The following VRK1 variants were observed in gnomAD, a reference collection of about 807,000 sequenced individuals.
VRK1 encodes the protein VRK serine/threonine kinase 1, also known as serine/threonine-protein kinase VRK1.
In VRK1, 33 loss-of-function variants were observed where a neutral mutation model predicts 57.1. The ratio of observed to expected loss-of-function variants is 0.58; its 90% CI spans 0.44 to 0.77. The LOEUF is 0.77. Ranked by LOEUF, VRK1 falls within the 30% of genes least tolerant of loss-of-function variation. The pLI is 0.00. For synonymous variants in VRK1, 137 were observed against 147.8 expected, an observed-to-expected ratio of 0.93 and a Z score of 0.53; for missense variants, 413 against 477.3, an observed-to-expected ratio of 0.87 and a Z score of 1.25.
chr14:96,800,197 T>C (rs537241178), intron 1 of VRK1, among the ~76,000 whole-genome samples: 1 of 152,304 alleles, frequency 6.6e-6, no homozygotes, highest in South Asian at 2.1e-4. Context: ...TATTTCTACT[T>C]GCCATTATAA....
chr14:96,866,737 G>T (rs898093326), intron 11 of VRK1, among the ~76,000 whole-genome samples: 7 of 152,124 alleles, frequency 4.6e-5, no homozygotes, highest in African/African-American at 1.7e-4. Flanking sequence ...TTTCAGAATG[G>T]TGTTTGCTCA....
chr14:96,864,621 G>A (rs1021626025), intron 11 of VRK1, among the ~76,000 whole-genome samples: 12 of 152,028 alleles, frequency 7.9e-5, no homozygotes, highest in Non-Finnish European at 1.6e-4. Context: ...GGGTCTGTAC[G>A]TACTGGGGTT....
chr14:96,874,543 T>TA (rs1420150304), intron 11 of VRK1, among the ~76,000 whole-genome samples: 7 of 152,226 alleles, frequency 4.6e-5, no homozygotes, highest in African/African-American at 9.6e-5. Flanking sequence ...TAGCCACTCT[T>TA]ACAGCTATTT....
intron 11 of VRK1, among the ~76,000 whole-genome samples, chr14:96,874,398 C>T (rs2059302422): frequency 6.6e-6 from 1 of 152,076 alleles, no homozygotes; most frequent in Admixed American, 6.6e-5. Flanking sequence ...GGGTTACCTG[C>T]CCACTGCAGT....
chr14:96,870,862 G>T (rs1888794042), intron 11 of VRK1, among the ~76,000 whole-genome samples: 2 of 152,046 alleles, frequency 1.3e-5, no homozygotes, highest in Admixed American at 1.3e-4. Context: ...GAGCTTGAAG[G>T]CAGCTTTCCC....
At chr14:96,800,719 C>A (rs1595632056) in intron 1 of VRK1, among the ~76,000 whole-genome samples, 3 of 151,940 alleles carry the variant, frequency 2.0e-5, no homozygotes, top group African/African-American at 7.3e-5. Context: ...GGATGGGAAC[C>A]AGTACTCTAG....
At chr14:96,848,968 G>T (rs1887830155) in intron 5 of VRK1, among the ~76,000 whole-genome samples, 1 of 152,202 alleles carries the variant, frequency 6.6e-6, no homozygotes, top group African/African-American at 2.4e-5. Context: ...AGGCAGGATA[G>T]ACTTTTATTC....
At chr14:96,865,704 C>G (rs1035628769) in intron 11 of VRK1, among the ~76,000 whole-genome samples, 2 of 151,656 alleles carry the variant, frequency 1.3e-5, no homozygotes, top group African/African-American at 2.4e-5. Flanking sequence ...TCTTCTGTGT[C>G]TGTAGAGGGA....
chr14:96,847,257 T>C lies in VRK1; in HGVS notation c.287T>C (p.Ile96Thr), dbSNP rs1410131916. Residue 96 changes from isoleucine (I) to threonine (T), a missense_variant and splice_region_variant, in exon 5 of 13, where the codon ATT (isoleucine) becomes ACT (threonine). By Grantham distance (89) the Ile-to-Thr change is moderately conservative. Transcript: ENST00000216639. The stretch of plus-strand genomic sequence containing the variant: ...CACAAAGATCTGTTTTAATTTGTAG[T>C]TCAGAAATGGATTCGTACCCGTAAG... Reference protein sequence around the residue: ...FYQRAAKPEQIQKWIRTRKLK... With the variant: ...FYQRAAKPEQTQKWIRTRKLK... The C allele has an allele frequency of 1.9e-6, 3 of 1,613,190 alleles. No homozygotes were observed. The highest frequency in any genetic ancestry group is 3.3e-5 in the Admixed American group (2 of 59,998).
intron 3 of VRK1, among the ~76,000 whole-genome samples, chr14:96,841,721 G>A (rs1373234729): frequency 1.3e-5 from 2 of 151,934 alleles, no homozygotes; most frequent in Non-Finnish European, 2.9e-5. Flanking sequence ...TGTAATCCCA[G>A]CTACTCAGGA....
Position 96,845,993 on chromosome 14 carries a change from A to T in VRK1, c.217-102A>T, listed in dbSNP as rs887900695. On this transcript the variant is annotated intron_variant, in intron 3 of 12. Coordinates refer to ENST00000216639, the MANE Select transcript of VRK1 (RefSeq NM_003384.3). ...TTATAAACTTAAGTATCAAAATTAC[A>T]TTGGACAGAAAAATAGATTTGTTGG... 1.0e-5 allele frequency: 11 copies of T among 1,074,026 alleles called. 1 individual carries two copies. The African/African-American group carries it at 1.4e-4, about 14-fold the overall frequency. 66.5% of individuals were successfully genotyped at this position (1,074,026 alleles called of 1,614,324 possible).
At chr14:96,878,485 G>C (rs1889125640) in intron 12 of VRK1, among the ~76,000 whole-genome samples, 1 of 152,134 alleles carries the variant, frequency 6.6e-6, no homozygotes. Context: ...TATGGTAAGA[G>C]ATTTTTCGCA....
intron 1 of VRK1, among the ~76,000 whole-genome samples, chr14:96,799,375 A>C (rs1349218378): frequency 6.6e-6 from 1 of 152,162 alleles, no homozygotes; most frequent in African/African-American, 2.4e-5. Flanking sequence ...TAAATATATA[A>C]GTGAAATGTC....
chr14:96,842,943 A>C (rs1887524246), intron 3 of VRK1, among the ~76,000 whole-genome samples: 1 of 152,220 alleles, frequency 6.6e-6, no homozygotes, highest in African/African-American at 2.4e-5. Context: ...CTTTGTCAAA[A>C]AGTTGGTTAT....
At chr14:96,857,664 C>T (rs545653908) in intron 10 of VRK1, among the ~76,000 whole-genome samples, 1 of 152,280 alleles carries the variant, frequency 6.6e-6, no homozygotes, top group African/African-American at 2.4e-5. Flanking sequence ...AGAGAAGTAG[C>T]AGCCAAAGAG....
chr14:96,821,075 T>G (rs1359796367), intron 1 of VRK1, among the ~76,000 whole-genome samples: 2 of 152,176 alleles, frequency 1.3e-5, no homozygotes, highest in Non-Finnish European at 2.9e-5. Flanking sequence ...CCTGGGAAGT[T>G]TTTTATTGAT....
intron 1 of VRK1, among the ~76,000 whole-genome samples, chr14:96,821,375 C>T (rs568243121): frequency 6.6e-6 from 1 of 151,992 alleles, no homozygotes; most frequent in South Asian, 2.1e-4. Context: ...TCACTAATAC[C>T]AATTGTTTCT....
At chr14:96,818,665 A>T (rs1801493977) in intron 1 of VRK1, among the ~76,000 whole-genome samples, 1 of 152,182 alleles carries the variant, frequency 6.6e-6, no homozygotes, top group Non-Finnish European at 1.5e-5. Flanking sequence ...CCATATAGCC[A>T]TGAATTTTTT....
At chr14:96,799,426 C>T (rs1229954781) in intron 1 of VRK1, among the ~76,000 whole-genome samples, 1 of 151,460 alleles carries the variant, frequency 6.6e-6, no homozygotes, top group Admixed American at 6.6e-5. Context: ...TTAATTTTGA[C>T]AGCTATATTT....
Sources: gnomAD v4.1 joint callset for allele counts (sites outside exome capture counted in the v4.1 genomes callset) on GRCh38, gnomAD v4.1.1 for gene constraint, MANE v1.5 for transcripts, NCBI Gene and HGNC (gene_info 2026-07-23, HGNC 2026-07-21) for gene names.